The following NSD1 variants were observed in gnomAD, a reference collection of about 807,000 sequenced individuals.
NSD1 encodes histone-lysine N-methyltransferase, H3 lysine-36 specific.
A neutral mutation model predicts 242.7 loss-of-function variants in NSD1; 26 were observed. The ratio of observed to expected loss-of-function variants is 0.11; its 90% confidence interval spans 0.08 to 0.15. NSD1 has a LOEUF of 0.15. NSD1 is among the 10% of genes least tolerant of loss of function. The pLI is 1.00. For synonymous variants in NSD1, 1,106 were observed against 1,178.1 expected, an observed-to-expected ratio of 0.94 and a Z score of 1.25; for missense variants, 2,495 against 3,272.8, an observed-to-expected ratio of 0.76 and a Z score of 5.80.
intron 2 of NSD1, among the ~76,000 whole-genome samples, chr5:177,161,472 A>G (rs950950251): frequency 2.0e-5 from 3 of 151,686 alleles, no homozygotes; most frequent in Non-Finnish European, 4.4e-5. Context: ...ACCTTTCCCT[A>G]TATTCTCCTA....
At chr5:177,271,480 AG>A (rs1757939535) in intron 16 of NSD1, among the ~76,000 whole-genome samples, 1 of 152,214 alleles carries the variant, frequency 6.6e-6, no homozygotes, top group South Asian at 2.1e-4. Context: ...CTAACATATC[AG>A]TACCAGTAAG....
chr5:177,192,847 A>T (rs944972309), intron 3 of NSD1, among the ~76,000 whole-genome samples: 1 of 152,090 alleles, frequency 6.6e-6, no homozygotes, highest in African/African-American at 2.4e-5. Flanking sequence ...AACATTCTCA[A>T]TTATTCTGTT....
In NSD1 at chr5:177,238,491, G is replaced by T; in HGVS notation, c.4176G>T (p.Leu1392Phe). The T allele has an allele frequency of 6.2e-7, 1 of 1,613,726 alleles. No homozygotes were observed. Among genetic ancestry groups the T allele is most frequent in the Non-Finnish European group, 8.5e-7 (1 of 1,180,016 alleles). The change falls in exon 7 of 23, where the codon TTG becomes TTT. Residue 1392 changes from leucine to phenylalanine, a missense_variant. Around this residue, in one of 19 missense-constraint regions of NSD1, gnomAD observed 100 missense variants for 190.7 expected, o/e 0.52. Coordinates refer to ENST00000439151, the MANE Select transcript of NSD1 (RefSeq NM_022455.5). The surrounding 1 kb of genome is among the most constrained non-coding windows in gnomAD (Gnocchi z 4.6). ...SPRPALESEELLVKTPGNYES... is the reference protein window; with the variant it reads ...SPRPALESEEFLVKTPGNYES... The stretch of plus-strand genomic sequence containing the variant: ...GGCCTGCCCTTGAGTCTGAGGAATT[G>T]CTAGTTAAAACGCCAGGTAAGGTGG...
At chr5:177,181,100 G>A (rs1008478321) in intron 2 of NSD1, among the ~76,000 whole-genome samples, 1 of 149,288 alleles carries the variant, frequency 6.7e-6, no homozygotes, top group Non-Finnish European at 1.5e-5. Context: ...GTGCAGTGGT[G>A]TGATCTCAGC....
Position 177,191,883 on chromosome 5 carries a change from G to C in NSD1, c.928-1G>C, listed in dbSNP as rs1562180585. ...ATGCCCCATGTTTTGTCTGTCTAAAGTGTCAACCTAAGAAAAAGTCTACGC... is the reference window on the plus strand; with the variant it reads ...ATGCCCCATGTTTTGTCTGTCTAAACTGTCAACCTAAGAAAAAGTCTACGC... On this transcript the variant is annotated splice_acceptor_variant, in intron 2 of 22. Coordinates refer to ENST00000439151, the MANE Select transcript of NSD1 (RefSeq NM_022455.5). LOFTEE classifies it high-confidence loss of function. The C allele has an allele frequency of 6.2e-7, 1 of 1,614,004 alleles. No individual in the cohort carries two copies. The highest frequency in any genetic ancestry group is 1.3e-5 in the African/African-American group (1 of 75,042).
chr5:177,220,514 C>CT (rs1764145753), intron 5 of NSD1, among the ~76,000 whole-genome samples: 1 of 141,494 alleles, frequency 7.1e-6, no homozygotes, highest in South Asian at 2.3e-4. Context: ...CTCAACCACT[C>CT]TATCTTTAGA....
intron 13 of NSD1, 124 bp from the exon 14 acceptor site, chr5:177,259,865 A>C: frequency 9.8e-7 from 1 of 1,016,330 alleles, no homozygotes; most frequent in Non-Finnish European, 1.5e-6. Context: ...CCATCATCTT[A>C]GTGGTCATTC....
intron 6 of NSD1, among the ~76,000 whole-genome samples, chr5:177,237,802 G>T (rs1413246067): frequency 6.6e-6 from 1 of 152,046 alleles, no homozygotes; most frequent in Admixed American, 6.6e-5. Flanking sequence ...CAAAGTTCTG[G>T]AATTACAGGC....
chr5:177,228,406 G>A (rs1010620384), intron 5 of NSD1, among the ~76,000 whole-genome samples: 6 of 151,844 alleles, frequency 4.0e-5, no homozygotes, highest in Non-Finnish European at 7.4e-5. Flanking sequence ...TAGTAGGGAC[G>A]GGATTTTGCC....
rs756569325 is a variant in NSD1, at chr5:177,238,385, C to G, written c.4070C>G (p.Ala1357Gly). 1 of 1,614,068 alleles carries G rather than the reference C, an allele frequency of 6.2e-7. No homozygotes were observed. The highest frequency in any genetic ancestry group is 8.5e-7 in the Non-Finnish European group (1 of 1,179,972). ...REAPFLEGPL[A>G]QSELGGGHAE... is the part of the protein sequence containing the mutation. The stretch of plus-strand genomic sequence containing the variant: ...GCTCCGTTTTTGGAGGGCCCCTTGG[C>G]TCAGTCAGAACTTGGAGGTGGACAT... The change falls in exon 7 of 23, where the codon GCT becomes GGT. Residue 1357 changes from alanine to glycine, a missense_variant. By Grantham distance (60) the Ala-to-Gly change is moderately conservative. Coordinates refer to ENST00000439151, the MANE Select transcript of NSD1 (RefSeq NM_022455.5). This position sits in a 1 kb window ranked among gnomAD's most constrained non-coding sequence, Gnocchi z 4.6.
rs1760346319 is a variant in NSD1, at chr5:177,297,816, T to C, written c.*2357T>C. On this transcript the variant is annotated 3_prime_UTR_variant, in exon 23 of 23. Transcript: ENST00000439151. The stretch of plus-strand genomic sequence containing the variant: ...AGGAGGGAGTGAGGGAAAGGGGCCA[T>C]GATTGGCTGCTTTGTGGTTTTATTT... 2 of 232,962 alleles carry C rather than the reference T, an allele frequency of 8.6e-6. No homozygotes were observed. Among genetic ancestry groups the C allele is most frequent in the African/African-American group, 4.4e-5 (2 of 45,314 alleles). 14.4% of individuals were successfully genotyped at this position (232,962 alleles called of 1,614,324 possible).
At chr5:177,232,057 A>G (rs904039031) in intron 5 of NSD1, among the ~76,000 whole-genome samples, 6 of 152,058 alleles carry the variant, frequency 3.9e-5, no homozygotes, top group African/African-American at 9.7e-5. Context: ...GTGCCACCAC[A>G]GGCAGCTATA....
rs145378506 is a variant in NSD1, at chr5:177,256,961, C to T, written c.4776C>T (p.Thr1592=). 3 of 1,613,406 alleles carry T rather than the reference C, an allele frequency of 1.9e-6. No individual in the cohort carries two copies. The highest frequency in any genetic ancestry group is 3.3e-5 in the Admixed American group (2 of 59,990). The change falls in exon 13 of 23, where the codon ACC becomes ACT. Residue 1592 remains threonine, a synonymous_variant. Transcript: ENST00000439151. Reference sequence around the variant, plus strand: ...CTTTTGGCTTCTCAGGAATCCATACCTGTTTTGTATGTAAGCAGAGTGGGG... The same window carrying T: ...CTTTTGGCTTCTCAGGAATCCATACTTGTTTTGTATGTAAGCAGAGTGGGG... The part of the protein sequence containing the change: ...ICNECRTGIH[T]CFVCKQSGED...
chr5:177,220,357 C>G (rs1309384408), intron 5 of NSD1, among the ~76,000 whole-genome samples: 1 of 152,044 alleles, frequency 6.6e-6, no homozygotes, highest in Non-Finnish European at 1.5e-5. Context: ...ATGGCCAAAA[C>G]CTCTGCTTTC....
rs1448704471 is a variant in NSD1, at chr5:177,171,264, G to A, written c.928-20620G>A. Among the ~76,000 whole-genome samples, 5 of 151,584 alleles carry A rather than the reference G, an allele frequency of 3.3e-5. No individual in the cohort carries two copies. In the East Asian group the frequency reaches 5.8e-4, roughly 18 times the overall value. On this transcript the variant is annotated intron_variant, in intron 2 of 22. Transcript: ENST00000439151. ...AGAGATTGCAGTGAGCCAAGATCAC[G>A]CCGCTGCACTCCAGCCTGGCGACAG...
intron 16 of NSD1, among the ~76,000 whole-genome samples, chr5:177,272,032 G>GA (rs1757982806): frequency 6.6e-6 from 1 of 152,028 alleles, no homozygotes; most frequent in Admixed American, 6.6e-5. Context: ...GCTGAGGGAG[G>GA]AAAATCGCTG....
chr5:177,212,056 A>C lies in NSD1; in HGVS notation c.3657A>C (p.Thr1219=). 1 of 1,614,182 alleles carries C rather than the reference A, an allele frequency of 6.2e-7. No individual in the cohort carries two copies. Among genetic ancestry groups the C allele is most frequent in the Non-Finnish European group, 8.5e-7 (1 of 1,180,032 alleles). ...PSASILEEPL[T]EQNHADCLDS... ...CAAGCATACTTGAGGAACCACTGAC[A>C]GAGCAAAATCATGCTGACTGCTTAG... The change falls in exon 5 of 23, where the codon ACA becomes ACC. Residue 1219 remains threonine (T), a synonymous_variant. Coordinates refer to ENST00000439151, the MANE Select transcript of NSD1 (RefSeq NM_022455.5).
At chr5:177,233,903 T>C (rs1050605455) in intron 5 of NSD1, among the ~76,000 whole-genome samples, 3 of 152,140 alleles carry the variant, frequency 2.0e-5, no homozygotes, top group Non-Finnish European at 4.4e-5. Flanking sequence ...GAAGAGTAAA[T>C]ATAAAAATGC....
chr5:177,218,423 G>GT (rs1389657236), intron 5 of NSD1, among the ~76,000 whole-genome samples: 1 of 151,776 alleles, frequency 6.6e-6, no homozygotes, highest in Non-Finnish European at 1.5e-5. Flanking sequence ...TTTGTCAGAT[G>GT]TTTTTTCTAC....
Sources: gnomAD v4.1 joint callset for allele counts (sites outside exome capture counted in the v4.1 genomes callset) on GRCh38, gnomAD v4.1.1 for gene constraint, gnomAD v4.1.1 regional missense constraint, Gnocchi (gnomAD v3.1) non-coding constraint, MANE v1.5 for transcripts, NCBI Gene and HGNC (gene_info 2026-07-23, HGNC 2026-07-21) for gene names.